The following DOCK11 variants were observed in gnomAD, a reference collection of about 807,000 sequenced individuals.
The protein encoded by DOCK11 is dedicator of cytokinesis protein 11.
In DOCK11, 70 loss-of-function variants were observed where a neutral mutation model predicts 169.1. That is an observed-to-expected ratio of 0.41 (90% CI 0.34 to 0.51). DOCK11 has a LOEUF of 0.51. Ranked by LOEUF, DOCK11 falls within the 20% of genes least tolerant of loss-of-function variation. The probability of loss-of-function intolerance (pLI) is 0.10; values close to 1 mark genes in which losing one functional copy is unlikely to be tolerated. For synonymous variants in DOCK11, 529 were observed against 541.3 expected, an observed-to-expected ratio of 0.98 and a Z score of 0.32; for missense variants, 1,166 against 1,538.8, an observed-to-expected ratio of 0.76 and a Z score of 4.05.
intron 6 of DOCK11, among the ~76,000 whole-genome samples, chrX:118,549,781 G>A (rs1488887205): frequency 2.7e-5 from 3 of 110,033 alleles, no homozygotes; most frequent in Non-Finnish European, 5.7e-5. Flanking sequence ...TGTGCAGGCT[G>A]GTCTCAAACT....
intron 1 of DOCK11, among the ~76,000 whole-genome samples, chrX:118,532,068 A>G (rs1231276382): frequency 1.8e-5 from 2 of 109,200 alleles, no homozygotes; most frequent in Admixed American, 9.8e-5. Context: ...GAATATAAAG[A>G]TTATAGATAG....
chrX:118,643,453 A>C lies in DOCK11; in HGVS notation c.4261-4A>C. ...CATAAACCATATTTTTTAATGTTTT[A>C]TAGACCCAACTTTTAAATAATGATG... is the stretch of plus-strand genomic sequence containing the variant. On this transcript the variant is annotated splice_polypyrimidine_tract_variant and splice_region_variant and intron_variant, in intron 39 of 52. Coordinates refer to ENST00000276202, the MANE Select transcript of DOCK11 (RefSeq NM_144658.4). 8.3e-7 allele frequency: 1 copy of C among 1,206,043 alleles called. No homozygotes were observed. Among genetic ancestry groups the C allele is most frequent in the South Asian group, 1.8e-5 (1 of 56,260 alleles).
chrX:118,641,480 G>A (rs1240139741), intron 39 of DOCK11, among the ~76,000 whole-genome samples, 175 bp downstream of exon 39: 1 of 111,985 alleles, frequency 8.9e-6, no homozygotes, highest in East Asian at 2.8e-4. Context: ...AGACTCACTT[G>A]TGTCATCCAT....
chrX:118,660,999 A>G (rs2016200207), intron 44 of DOCK11, among the ~76,000 whole-genome samples: 1 of 109,703 alleles, frequency 9.1e-6, no homozygotes, highest in Non-Finnish European at 1.9e-5. Context: ...ACTTGAGCTC[A>G]GGAGTTTGAG....
intron 1 of DOCK11, among the ~76,000 whole-genome samples, chrX:118,524,193 GA>G (rs2011322919): frequency 9.0e-6 from 1 of 111,603 alleles, no homozygotes; most frequent in Non-Finnish European, 1.9e-5. Flanking sequence ...GCCTAAAAAG[GA>G]GCCAAGTTGG....
At chrX:118,650,370 T>C (rs1276090233) in intron 41 of DOCK11, among the ~76,000 whole-genome samples, 1 of 112,012 alleles carries the variant, frequency 8.9e-6, no homozygotes, top group Non-Finnish European at 1.9e-5. Flanking sequence ...TAAACCACAA[T>C]TGGGACTGCT....
At chrX:118,538,201 G>C (rs768164735) in intron 1 of DOCK11, among the ~76,000 whole-genome samples, 19 of 111,990 alleles carry the variant, frequency 1.7e-4, no homozygotes, top group Admixed American at 1.9e-4. Context: ...GAATAAGTTC[G>C]GGAAACTAAT....
At chrX:118,633,917 G>A (rs780248811) in intron 35 of DOCK11, 46 of 112,468 alleles carry the variant, frequency 4.1e-4, no homozygotes, top group African/African-American at 1.4e-3. Flanking sequence ...AGTGAGTTCC[G>A]CAATAAAGAA....
intron 1 of DOCK11, among the ~76,000 whole-genome samples, chrX:118,517,546 T>C (rs2057697953): frequency 9.0e-6 from 1 of 110,834 alleles, no homozygotes; most frequent in Non-Finnish European, 1.9e-5. Context: ...ATAAGAACCA[T>C]ACTTTCAGGA....
intron 1 of DOCK11, among the ~76,000 whole-genome samples, chrX:118,536,131 C>G (rs1432419828): frequency 1.8e-5 from 2 of 111,032 alleles, no homozygotes; most frequent in East Asian, 5.7e-4. Flanking sequence ...AACCCCGTCT[C>G]TATAAAAAAT....
chrX:118,504,315 T>G (rs1439022980), intron 1 of DOCK11, among the ~76,000 whole-genome samples: 1 of 111,826 alleles, frequency 8.9e-6, no homozygotes, highest in Non-Finnish European at 1.9e-5. Context: ...CGGCTTTTTA[T>G]GGAAAGTGGA....
chrX:118,603,528 C>A (rs2014404556), intron 23 of DOCK11, among the ~76,000 whole-genome samples: 1 of 111,909 alleles, frequency 8.9e-6, no homozygotes, highest in Non-Finnish European at 1.9e-5. Context: ...GAGGCCTTAC[C>A]AGACATTCCC....
intron 34 of DOCK11, 25 bp from the exon 35 acceptor site, chrX:118,630,354 T>C (rs2015206367): frequency 9.7e-7 from 1 of 1,026,828 alleles, no homozygotes; most frequent in Non-Finnish European, 1.4e-6. Context: ...ACTGATACTA[T>C]TTCACGAACA....
At position 118,601,898 on chromosome X, in the gene DOCK11, C is replaced by T. The variant is rs754212197; in HGVS notation, c.2562+2670C>T. ...GTTAAAGTAATTCTCCTGCCTCAGC[C>T]TCCCGAGTAGCTGGGACTACAGGCG... is the stretch of plus-strand genomic sequence containing the variant. On this transcript the variant is annotated intron_variant, in intron 23 of 52. Coordinates refer to ENST00000276202, the MANE Select transcript of DOCK11 (RefSeq NM_144658.4). Among the ~76,000 whole-genome samples, 10 of 110,221 alleles carry T rather than the reference C, an allele frequency of 9.1e-5. No individual in the cohort carries two copies. In the East Asian group the frequency reaches 2.6e-3, roughly 28 times the overall value.
intron 1 of DOCK11, among the ~76,000 whole-genome samples, chrX:118,520,609 G>A: frequency 9.0e-6 from 1 of 111,684 alleles, no homozygotes; most frequent in Admixed American, 9.5e-5. Flanking sequence ...GCTGTGGAGG[G>A]TGAGGTTCTC....
intron 44 of DOCK11, among the ~76,000 whole-genome samples, chrX:118,658,130 T>C (rs1397732248): frequency 9.0e-6 from 1 of 111,664 alleles, no homozygotes; most frequent in Non-Finnish European, 1.9e-5. Context: ...GACCAACGTA[T>C]TTGACAAAGA....
chrX:118,521,571 T>C (rs897270460), intron 1 of DOCK11, among the ~76,000 whole-genome samples: 1 of 112,394 alleles, frequency 8.9e-6, no homozygotes, highest in Admixed American at 9.4e-5. Flanking sequence ...AGTTGTGCCC[T>C]GTTAAAAGAG....
intron 2 of DOCK11, 35 bp downstream of exon 2, chrX:118,542,876 C>T: frequency 1.7e-6 from 2 of 1,193,425 alleles, no homozygotes; most frequent in African/African-American, 1.8e-5. Flanking sequence ...AGAAAAAAAC[C>T]CCTATTTTTC....
intron 6 of DOCK11, among the ~76,000 whole-genome samples, chrX:118,551,542 A>G (rs1198409044): frequency 9.0e-6 from 1 of 111,041 alleles, no homozygotes; most frequent in Non-Finnish European, 1.9e-5. Context: ...TTCAAAAAAT[A>G]AAAAAATTAG....
Sources: allele counts gnomAD v4.1 joint callset (sites outside exome capture counted in the v4.1 genomes callset), GRCh38; gene constraint gnomAD v4.1.1; transcripts MANE v1.5; gene names NCBI Gene and HGNC (gene_info 2026-07-23, HGNC 2026-07-21).